TAF4B: variants seen among roughly 807,000 people sequenced by gnomAD.
TAF4B encodes transcription initiation factor TFIID subunit 4B.
In TAF4B, 38 loss-of-function variants were observed where a neutral mutation model predicts 86.4. That is an observed-to-expected ratio of 0.44 (90% CI 0.34 to 0.58). The LOEUF is 0.58. Ranked by LOEUF, TAF4B falls within the 20% of genes least tolerant of loss-of-function variation. TAF4B has a pLI of 0.02. For synonymous variants in TAF4B, 388 were observed against 391.2 expected (o/e 0.99, Z 0.10); for missense variants, 988 against 1,027.6 (o/e 0.96, Z 0.53).
At chr18:26,380,013 A>G (rs1245687120) in intron 14 of TAF4B, among the ~76,000 whole-genome samples, 1 of 152,136 alleles carries the variant, frequency 6.6e-6, no homozygotes, top group Non-Finnish European at 1.5e-5. Flanking sequence ...TGTATCCTCC[A>G]TTCTGCTAAA....
chr18:26,348,779 C>G (rs965510095), intron 13 of TAF4B: 2 of 154,332 alleles, frequency 1.3e-5, no homozygotes, highest in Non-Finnish European at 2.9e-5. Flanking sequence ...GAAGAGAAAC[C>G]TTACAACTGC....
At position 26,346,775 on chromosome 18, in the gene TAF4B, G is replaced by GTGTGTATATATATATA. The variant is rs1567913595; in HGVS notation, c.2317-10910_2317-10909insATATATATATATGTGT. Among the ~76,000 whole-genome samples, 8 of 13,254 alleles carry GTGTGTATATATATATA rather than the reference G, an allele frequency of 6.0e-4. 2 individuals carry two copies. The highest frequency in any genetic ancestry group is 0.083 in the Middle Eastern group (1 of 12). 8.7% of individuals were successfully genotyped at this position (13,254 alleles called of 152,430 possible). A position where few individuals can be genotyped will look rare whatever the true frequency, so the allele number is the denominator to read the frequency against. ...TATATGTGTGTATATATATATATAT[G>GTGTGTATATATATATA]TGTGTGTATATATATATATATATGT... is the stretch of plus-strand genomic sequence containing the variant. On this transcript the variant is annotated intron_variant, in intron 13 of 14. Transcript: ENST00000269142.
chr18:26,330,250 T>C (rs960761651), intron 12 of TAF4B, among the ~76,000 whole-genome samples: 8 of 152,242 alleles, frequency 5.3e-5, no homozygotes, highest in African/African-American at 1.9e-4. Flanking sequence ...CATATTAGTA[T>C]GGGCTAATGA....
At chr18:26,288,331 A>G (rs1274767239) in intron 7 of TAF4B, among the ~76,000 whole-genome samples, 1 of 152,148 alleles carries the variant, frequency 6.6e-6, no homozygotes, top group Non-Finnish European at 1.5e-5. Flanking sequence ...TTCTGAGCTG[A>G]CTCATCCAGT....
chr18:26,261,333 T>C (rs2056163904), intron 1 of TAF4B, among the ~76,000 whole-genome samples: 1 of 150,820 alleles, frequency 6.6e-6, no homozygotes, highest in Non-Finnish European at 1.5e-5. Context: ...CCCAAGTAGC[T>C]GGGACTACAG....
intron 1 of TAF4B, among the ~76,000 whole-genome samples, chr18:26,231,676 G>A (rs1485912999): frequency 6.6e-6 from 1 of 152,062 alleles, no homozygotes; most frequent in Non-Finnish European, 1.5e-5. Context: ...AAGTATTAGT[G>A]TGTCCAGAGT....
At chr18:26,364,489 G>A (rs1279176750) in intron 14 of TAF4B, among the ~76,000 whole-genome samples, 1 of 151,606 alleles carries the variant, frequency 6.6e-6, no homozygotes, top group African/African-American at 2.4e-5. Context: ...TATTGTATCG[G>A]TGATGTGTTT....
intron 11 of TAF4B, among the ~76,000 whole-genome samples, chr18:26,326,448 A>G (rs1395535409): frequency 6.6e-6 from 1 of 152,216 alleles, no homozygotes; most frequent in Non-Finnish European, 1.5e-5. Context: ...TAGCATTTCA[A>G]GATTTTAATG....
At chr18:26,375,689 A>T (rs549474485) in intron 14 of TAF4B, among the ~76,000 whole-genome samples, 1 of 152,272 alleles carries the variant, frequency 6.6e-6, no homozygotes, top group East Asian at 1.9e-4. Context: ...GTGCTTGTAG[A>T]CCATTTGTAC....
chr18:26,229,964 A>AATATATAT (rs72151328), intron 1 of TAF4B, among the ~76,000 whole-genome samples: 1 of 149,452 alleles, frequency 6.7e-6, no homozygotes, highest in African/African-American at 2.5e-5. Flanking sequence ...TTAAAAAAAA[A>AATATATAT]ATATATATAT....
At chr18:26,384,221 T>A (rs1978310530) in intron 14 of TAF4B, among the ~76,000 whole-genome samples, 1 of 152,242 alleles carries the variant, frequency 6.6e-6, no homozygotes, top group African/African-American at 2.4e-5. Context: ...CATGAATCTT[T>A]GCCTCTTGAT....
chr18:26,342,764 A>G (rs1005744577), intron 13 of TAF4B, among the ~76,000 whole-genome samples: 1 of 152,226 alleles, frequency 6.6e-6, no homozygotes, highest in Non-Finnish European at 1.5e-5. Context: ...GAAAAGAGAA[A>G]TGAAGGCTTC....
At chr18:26,232,242 G>A (rs998468611) in intron 1 of TAF4B, among the ~76,000 whole-genome samples, 5 of 152,046 alleles carry the variant, frequency 3.3e-5, no homozygotes, top group African/African-American at 1.2e-4. Context: ...GTCTAAACAG[G>A]ACACCCCAGC....
intron 9 of TAF4B, among the ~76,000 whole-genome samples, chr18:26,308,205 G>T (rs985090439): frequency 6.6e-6 from 1 of 152,172 alleles, no homozygotes; most frequent in South Asian, 2.1e-4. Flanking sequence ...AGAAAGGTGA[G>T]ATTGCACCGC....
In TAF4B at chr18:26,315,135, TC is replaced by T. The variant is rs1568147866; in HGVS notation, c.1833-93del. 4.9e-4 allele frequency: 186 copies of T among 381,824 alleles called. 2 individuals are homozygous for T. Among genetic ancestry groups the T allele is most frequent in the Admixed American group, 1.1e-3 (20 of 18,078 alleles). The allele number at this position is 381,824 out of a possible 1,614,324, so 23.7% of individuals were successfully genotyped here. A position where few individuals can be genotyped will look rare whatever the true frequency, so the allele number is the denominator to read the frequency against. On this transcript the variant is annotated intron_variant, in intron 9 of 14. Transcript: ENST00000269142. ...CTCTCTCTCTCTCTCTCTCTCTCTCTCTCTCTCTCTGTCTCTCTCTCTCTCT... is the reference window on the plus strand; with the variant it reads ...CTCTCTCTCTCTCTCTCTCTCTCTCTTCTCTCTCTGTCTCTCTCTCTCTCT...
intron 11 of TAF4B, among the ~76,000 whole-genome samples, chr18:26,325,218 C>T (rs919592775): frequency 6.6e-6 from 1 of 152,108 alleles, no homozygotes; most frequent in African/African-American, 2.4e-5. Flanking sequence ...TGACTATGGC[C>T]CTGAAGAAGC....
In TAF4B at chr18:26,389,987, C is replaced by A; in HGVS notation, c.2564C>A (p.Ala855Asp). The A allele has an allele frequency of 6.2e-7, 1 of 1,614,006 alleles. No homozygotes were observed. Among genetic ancestry groups the A allele is most frequent in the South Asian group, 1.1e-5 (1 of 91,042 alleles). ...GAACGGGAGATGAAGTATTCTCGAG[C>A]TCTATACCTGGCCCTTCTGAAGTGA... The part of the protein sequence containing the change: ...EQEREMKYSR[A>D]LYLALLK Residue 855 changes from alanine (A) to aspartate (D), a missense_variant, in exon 15 of 15, where the codon GCT becomes GAT. By Grantham distance (126) the Ala-to-Asp change is moderately radical (BLOSUM62 -2). Around this residue, in one of 3 missense-constraint regions of TAF4B, gnomAD observed 216 missense variants for 238.4 expected, o/e 0.91. Transcript: ENST00000269142.
chr18:26,228,958 A>T (rs2055621114), intron 1 of TAF4B, among the ~76,000 whole-genome samples: 1 of 151,846 alleles, frequency 6.6e-6, no homozygotes, highest in Non-Finnish European at 1.5e-5. Context: ...AAGAGTAAAT[A>T]ATTTGTCCAA....
intron 14 of TAF4B, among the ~76,000 whole-genome samples, chr18:26,388,240 AATTAAAAGTAATAGT>A (rs1978491362): frequency 6.6e-6 from 1 of 152,234 alleles, no homozygotes; most frequent in African/African-American, 2.4e-5. Context: ...CTTTTCTTCC[AATTAAAAGTAATAGT>A]ATATAGACAT....
Sources: gnomAD v4.1 joint callset for allele counts (sites outside exome capture counted in the v4.1 genomes callset) on GRCh38, gnomAD v4.1.1 for gene constraint, gnomAD v4.1.1 regional missense constraint, MANE v1.5 for transcripts, NCBI Gene and HGNC (gene_info 2026-07-23, HGNC 2026-07-21) for gene names.